The following ODAD2 variants were observed in gnomAD, a reference collection of about 807,000 sequenced individuals.
ODAD2 encodes the protein outer dynein arm docking complex subunit 2, also known as outer dynein arm-docking complex subunit 2.
A neutral mutation model predicts 106.8 loss-of-function variants in ODAD2; 89 were observed. The ratio of observed to expected loss-of-function variants is 0.83; its 90% confidence interval spans 0.70 to 0.99. ODAD2 has a LOEUF of 0.99. ODAD2 is among the 50% of genes least tolerant of loss of function. The pLI is 0.00. For synonymous variants in ODAD2, 404 were observed against 436.2 expected (o/e 0.93, Z 0.92); for missense variants, 1,168 against 1,238.5 (o/e 0.94, Z 0.85).
intron 2 of ODAD2, among the ~76,000 whole-genome samples, chr10:27,993,861 T>C (rs1850375796): frequency 5.9e-5 from 9 of 152,064 alleles, no homozygotes; most frequent in Admixed American, 5.9e-4. Context: ...GGGAACTGTT[T>C]TTATATGATC....
chr10:27,903,874 CAAGGGTG>C (rs1197602968), intron 17 of ODAD2, among the ~76,000 whole-genome samples: 3 of 152,142 alleles, frequency 2.0e-5, no homozygotes, highest in African/African-American at 7.2e-5. Context: ...CACACCAAGA[CAAGGGTG>C]TCCACCAACC....
At chr10:27,920,118 G>A (rs1307121443) in intron 16 of ODAD2, among the ~76,000 whole-genome samples, 4 of 151,990 alleles carry the variant, frequency 2.6e-5, no homozygotes, top group African/African-American at 9.7e-5. Flanking sequence ...TATCCCCAGA[G>A]TAGAGAGAGG....
chr10:27,866,341 G>A (rs1388654787), intron 17 of ODAD2, among the ~76,000 whole-genome samples: 1 of 152,106 alleles, frequency 6.6e-6, no homozygotes, highest in Non-Finnish European at 1.5e-5. Flanking sequence ...TGACCCCAGA[G>A]CCCCCTCACA....
At chr10:27,855,608 G>A (rs1196405639) in intron 19 of ODAD2, among the ~76,000 whole-genome samples, 10 of 152,102 alleles carry the variant, frequency 6.6e-5, no homozygotes, top group South Asian at 4.1e-4. Flanking sequence ...TCTAAAATCC[G>A]TTTACTTGAC....
At chr10:27,974,585 A>G (rs1378726034) in intron 7 of ODAD2, among the ~76,000 whole-genome samples, 1 of 151,108 alleles carries the variant, frequency 6.6e-6, no homozygotes, top group Admixed American at 6.6e-5. Flanking sequence ...TCATTGGTCT[A>G]TGTGTCTTCT....
intron 17 of ODAD2, among the ~76,000 whole-genome samples, chr10:27,901,384 A>G (rs999390574): frequency 1.3e-5 from 2 of 152,162 alleles, no homozygotes; most frequent in Non-Finnish European, 2.9e-5. Flanking sequence ...GACCATCAAC[A>G]CTATGAAGAA....
intron 19 of ODAD2, among the ~76,000 whole-genome samples, chr10:27,844,506 A>G (rs1838563821): frequency 6.6e-6 from 1 of 152,222 alleles, no homozygotes; most frequent in Non-Finnish European, 1.5e-5. Context: ...CACTTGAGCA[A>G]TACCTTCCAA....
chr10:27,828,352 G>A (rs2132960647), intron 19 of ODAD2, among the ~76,000 whole-genome samples: 1 of 152,236 alleles, frequency 6.6e-6, no homozygotes, highest in African/African-American at 2.4e-5. Context: ...GGCTAAATAT[G>A]CAGAAGTGAG....
intron 11 of ODAD2, among the ~76,000 whole-genome samples, 183 bp from the exon 12 acceptor site, chr10:27,944,614 T>A (rs1199249041): frequency 6.6e-6 from 1 of 151,862 alleles, no homozygotes; most frequent in Non-Finnish European, 1.5e-5. Flanking sequence ...TCAGGAAGCA[T>A]GAGAGATGAA....
At chr10:27,817,270 C>T (rs948958930) in intron 19 of ODAD2, among the ~76,000 whole-genome samples, 5 of 152,206 alleles carry the variant, frequency 3.3e-5, no homozygotes, top group African/African-American at 1.2e-4. Flanking sequence ...CAACTTTTAA[C>T]TCATGATCTA....
At chr10:27,844,564 T>C (rs985745233) in intron 19 of ODAD2, among the ~76,000 whole-genome samples, 1 of 152,216 alleles carries the variant, frequency 6.6e-6, no homozygotes, top group Non-Finnish European at 1.5e-5. Context: ...TGAGTCCTTT[T>C]CTTATGACCT....
intron 16 of ODAD2, among the ~76,000 whole-genome samples, chr10:27,916,541 C>T (rs1387275751): frequency 6.6e-6 from 1 of 152,138 alleles, no homozygotes; most frequent in Non-Finnish European, 1.5e-5. Context: ...TCCATCTCTG[C>T]CACCCCTGAG....
chr10:27,895,055 A>AAAAC (rs34048210), intron 17 of ODAD2, among the ~76,000 whole-genome samples: 2 of 151,592 alleles, frequency 1.3e-5, no homozygotes, highest in Admixed American at 6.6e-5. Flanking sequence ...AAAAAAAAAA[A>AAAAC]CTGTTAGCTC....
chr10:27,866,674 C>T (rs149861607), intron 17 of ODAD2, among the ~76,000 whole-genome samples: 4 of 152,254 alleles, frequency 2.6e-5, no homozygotes, highest in African/African-American at 7.2e-5. Flanking sequence ...AGGAAGTAGG[C>T]ATCACATGGT....
At chr10:27,896,585 C>T (rs1212216931) in intron 17 of ODAD2, among the ~76,000 whole-genome samples, 1 of 152,144 alleles carries the variant, frequency 6.6e-6, no homozygotes, top group African/African-American at 2.4e-5. Context: ...TCTTCCTGGA[C>T]TTGCCCTCAG....
At chr10:27,894,861 G>A (rs796420434) in intron 17 of ODAD2, among the ~76,000 whole-genome samples, 8 of 151,864 alleles carry the variant, frequency 5.3e-5, no homozygotes, top group South Asian at 4.2e-4. Context: ...CACTTTGCCC[G>A]GCTTCAAATG....
chr10:27,985,176 C>G lies in ODAD2; in HGVS notation c.418G>C (p.Asp140His). 6.4e-7 allele frequency: 1 copy of G among 1,574,326 alleles called. No individual in the cohort carries two copies. The highest frequency in any genetic ancestry group is 1.4e-5 in the African/African-American group (1 of 73,264). Residue 140 changes from aspartate to histidine, a missense_variant, in exon 4 of 20, where the codon GAT becomes CAT. Coordinates refer to ENST00000305242, the MANE Select transcript of ODAD2 (RefSeq NM_018076.5). ...GAGTTTTCTTTCATTGTATTATAAT[C>G]AGAGCCCAGGATTTTTACTATGGGG... is the stretch of plus-strand genomic sequence containing the variant. ...RDPIVKILGS[D>H]YNTMKENSIA...
intron 19 of ODAD2, among the ~76,000 whole-genome samples, chr10:27,830,354 C>T (rs2132985527): frequency 6.6e-6 from 1 of 152,294 alleles, no homozygotes; most frequent in South Asian, 2.1e-4. Context: ...ACCACTGCAC[C>T]ATAGTCCCTG....
At chr10:27,882,712 C>G (rs1057411233) in intron 17 of ODAD2, among the ~76,000 whole-genome samples, 2 of 152,064 alleles carry the variant, frequency 1.3e-5, no homozygotes, top group Non-Finnish European at 2.9e-5. Flanking sequence ...ACCTTGCAAC[C>G]GCGGAATCTG....
Sources: allele counts gnomAD v4.1 joint callset (sites outside exome capture counted in the v4.1 genomes callset), GRCh38; gene constraint gnomAD v4.1.1; transcripts MANE v1.5; gene names NCBI Gene and HGNC (gene_info 2026-07-23, HGNC 2026-07-21).